NRF1: variants seen among roughly 807,000 people sequenced by gnomAD.
The protein encoded by NRF1 is alpha palindromic-binding protein.
In NRF1, 5 loss-of-function variants were observed where a neutral mutation model predicts 58.5. The observed-to-expected ratio is 0.09, with a 90% CI of 0.04 to 0.18. The LOEUF (loss-of-function observed/expected upper bound fraction) is 0.18, where lower values mean the gene tolerates loss of function less well. Ranked by LOEUF, NRF1 falls within the 10% of genes least tolerant of loss-of-function variation. The pLI is 1.00. For missense variants in NRF1, 288 were observed against 657.7 expected (o/e 0.44, Z 6.15); for synonymous variants, 224 against 246.7 (o/e 0.91, Z 0.86).
At chr7:129,709,729 CTTT>C (rs71527924) in intron 6 of NRF1, among the ~76,000 whole-genome samples, 31 of 127,914 alleles carry the variant, frequency 2.4e-4, no homozygotes, top group Non-Finnish European at 3.5e-4. Flanking sequence ...TCTTTTCTTT[CTTT>C]TTTTTTTTTT....
chr7:129,619,292 C>G (rs959117083), intron 1 of NRF1, among the ~76,000 whole-genome samples: 17 of 148,888 alleles, frequency 1.1e-4, no homozygotes, highest in African/African-American at 3.7e-4. Context: ...GCCGGAGGAT[C>G]GCTTGAACCC....
chr7:129,622,436 A>G (rs1800820350), intron 1 of NRF1, among the ~76,000 whole-genome samples: 1 of 152,198 alleles, frequency 6.6e-6, no homozygotes, highest in Non-Finnish European at 1.5e-5. Context: ...ATGTTAAACA[A>G]TAAATATATT....
intron 4 of NRF1, among the ~76,000 whole-genome samples, chr7:129,682,780 T>A (rs763682024): frequency 6.6e-6 from 1 of 151,850 alleles, no homozygotes; most frequent in African/African-American, 2.4e-5. Context: ...CCAGCCTGGG[T>A]GACAGAGTGA....
intron 1 of NRF1, among the ~76,000 whole-genome samples, chr7:129,639,184 C>T (rs997478006): frequency 2.0e-5 from 3 of 152,012 alleles, no homozygotes; most frequent in Non-Finnish European, 2.9e-5. Context: ...CTCAGCCTCC[C>T]GAGTAGCTGG....
rs1355189043 is a variant in NRF1, at chr7:129,619,415, TATATATATATATATATATAC to T, written c.-7+7593_-7+7612del. On this transcript the variant is annotated intron_variant, in intron 1 of 10. Transcript: ENST00000393232. Reference sequence around the variant, plus strand: ...ATACGTGTATATATATATATATATATATATATATATATATATATACACACACACACACATATATATACACG... The same window carrying T: ...ATACGTGTATATATATATATATATATACACACACACACATATATATACACG... Among the ~76,000 whole-genome samples, 6 of 96,644 alleles carry T rather than the reference TATATATATATATATATATAC, an allele frequency of 6.2e-5. 1 individual carries two copies. Among genetic ancestry groups the T allele is most frequent in the East Asian group, 3.4e-4 (1 of 2,908 alleles). 63.4% of individuals were successfully genotyped at this position (96,644 alleles called of 152,430 possible).
intron 10 of NRF1, among the ~76,000 whole-genome samples, chr7:129,749,977 C>G (rs948127369): frequency 1.3e-5 from 2 of 151,966 alleles, no homozygotes; most frequent in Non-Finnish European, 2.9e-5. Context: ...ATGATGAGCC[C>G]GTGGTTCTGG....
intron 1 of NRF1, among the ~76,000 whole-genome samples, chr7:129,644,768 G>A (rs533114439): frequency 1.3e-5 from 2 of 152,260 alleles, no homozygotes; most frequent in East Asian, 1.9e-4. Flanking sequence ...AGATGTTCCG[G>A]CAAGCCAAAA....
chr7:129,677,616 T>A lies in NRF1; in HGVS notation c.339-16T>A. On this transcript the variant is annotated splice_polypyrimidine_tract_variant and intron_variant, in intron 3 of 10. Coordinates refer to ENST00000393232, the MANE Select transcript of NRF1 (RefSeq NM_005011.5). ...CTTTTTAAAACTTTTTATTCTTGTTTCCTTTTCTGATTCAGGAAACTTCGA... is the reference window on the plus strand; with the variant it reads ...CTTTTTAAAACTTTTTATTCTTGTTACCTTTTCTGATTCAGGAAACTTCGA... The A allele has an allele frequency of 6.2e-7, 1 of 1,612,752 alleles. No individual in the cohort carries two copies. Among genetic ancestry groups the A allele is most frequent in the South Asian group, 1.1e-5 (1 of 90,742 alleles).
At chr7:129,639,673 G>A (rs901528755) in intron 1 of NRF1, among the ~76,000 whole-genome samples, 1 of 150,822 alleles carries the variant, frequency 6.6e-6, no homozygotes, top group African/African-American at 2.4e-5. Context: ...TCAGCCTCCC[G>A]AGTAGCTGGG....
Position 129,741,075 on chromosome 7 carries a change from T to G in NRF1, c.1348+13710T>G, listed in dbSNP as rs1803835322. ...GCATACCTTCATGTCCTCTTTTTTT[T>G]GTTTTTCTGTACTTCAATAGATGCA... On this transcript the variant is annotated intron_variant, in intron 10 of 10. Transcript: ENST00000393232. The surrounding 1 kb of genome is among the most constrained non-coding windows in gnomAD (Gnocchi z 4.0). 1.3e-5 allele frequency among the ~76,000 whole-genome samples: 2 copies of G among 152,182 alleles called. No homozygotes were observed. The highest frequency in any genetic ancestry group is 2.4e-5 in the African/African-American group (1 of 41,446).
intron 10 of NRF1, among the ~76,000 whole-genome samples, chr7:129,730,829 T>G (rs536741942): frequency 7.2e-5 from 11 of 151,928 alleles, no homozygotes; most frequent in Non-Finnish European, 1.5e-4. Flanking sequence ...TTTAAAAAAT[T>G]AGCCAGGAGT....
chr7:129,710,502 T>G lies in NRF1; in HGVS notation c.894T>G (p.Ala298=). 1 of 1,609,222 alleles carries G rather than the reference T, an allele frequency of 6.2e-7. No homozygotes were observed. Among genetic ancestry groups the G allele is most frequent in the Non-Finnish European group, 8.5e-7 (1 of 1,175,610 alleles). The change falls in exon 7 of 11, where the codon GCT becomes GCG. Residue 298 remains alanine (A), a synonymous_variant. Transcript: ENST00000393232. ...QTQATATHSI[A]HLVPSQTVVQ... ...AGGCCACAGCCACACATAGTATAGC[T>G]CATCTTGTACCATCACAGACTGTAG...
At chr7:129,618,446 A>G (rs1800700975) in intron 1 of NRF1, among the ~76,000 whole-genome samples, 1 of 152,216 alleles carries the variant, frequency 6.6e-6, no homozygotes, top group East Asian at 1.9e-4. Flanking sequence ...CTGTAATCCT[A>G]ACACTTTAGG....
intron 5 of NRF1, among the ~76,000 whole-genome samples, chr7:129,705,603 T>C (rs1045855286): frequency 2.6e-5 from 4 of 152,074 alleles, no homozygotes; most frequent in African/African-American, 9.7e-5. Flanking sequence ...TGTGTTCTTT[T>C]TGGTAGAAAG....
chr7:129,621,559 G>A (rs928975975), intron 1 of NRF1, among the ~76,000 whole-genome samples: 2 of 151,814 alleles, frequency 1.3e-5, no homozygotes, highest in African/African-American at 4.8e-5. Flanking sequence ...TGTAAAAATA[G>A]CCCACAAATC....
chr7:129,662,315 G>A (rs974462581), intron 2 of NRF1, among the ~76,000 whole-genome samples: 5 of 150,124 alleles, frequency 3.3e-5, no homozygotes, highest in Non-Finnish European at 7.4e-5. Context: ...TATTAATTTT[G>A]GTAATTGTTA....
At chr7:129,650,418 T>C (rs545607679) in intron 1 of NRF1, among the ~76,000 whole-genome samples, 2 of 152,318 alleles carry the variant, frequency 1.3e-5, no homozygotes, top group South Asian at 4.1e-4. Context: ...CTTTATTTTA[T>C]GTCTAGGAGA....
At chr7:129,643,052 A>G (rs1421010808) in intron 1 of NRF1, among the ~76,000 whole-genome samples, 1 of 152,178 alleles carries the variant, frequency 6.6e-6, no homozygotes, top group African/African-American at 2.4e-5. Flanking sequence ...ACATGCTACA[A>G]TAATGTAGGA....
intron 2 of NRF1, among the ~76,000 whole-genome samples, chr7:129,670,694 G>A (rs1055505482): frequency 1.2e-4 from 18 of 152,134 alleles, no homozygotes; most frequent in African/African-American, 4.1e-4. Flanking sequence ...GACTTCAATA[G>A]TTCCTTTGAG....
Sources: gnomAD v4.1 joint callset for allele counts (sites outside exome capture counted in the v4.1 genomes callset) on GRCh38, gnomAD v4.1.1 for gene constraint, Gnocchi (gnomAD v3.1) non-coding constraint, MANE v1.5 for transcripts, NCBI Gene and HGNC (gene_info 2026-07-23, HGNC 2026-07-21) for gene names.